Variants in ZFHX3 observed in about 807,000 individuals in gnomAD.
ZFHX3 encodes the protein zinc finger homeobox protein 3.
In ZFHX3, 42 loss-of-function variants were observed where a neutral mutation model predicts 279.1. The observed-to-expected ratio is 0.15, with a 90% confidence interval of 0.12 to 0.19. The LOEUF is 0.19. Among genes scored for constraint, ZFHX3 ranks in the 10% least tolerant of loss-of-function variants. ZFHX3 has a pLI of 1.00. For missense variants in ZFHX3, 4,981 were observed against 4,754.0 expected (o/e 1.05, Z -1.40); for synonymous variants, 2,293 against 1,957.8 (o/e 1.17, Z -4.52).
rs555177209 is a variant in ZFHX3, at chr16:72,952,631, A to G, written c.2720-1666T>C. ...GTTCAGGAAGTGGATTGAGACAGGC[A>G]GTGAGACACGAGGCTCAGCTCCACG... On this transcript the variant is annotated intron_variant, in intron 2 of 9. Transcript: ENST00000268489. 3.9e-5 allele frequency among the ~76,000 whole-genome samples: 6 copies of G among 152,326 alleles called. No homozygotes were observed. The East Asian group carries it at 9.6e-4, about 24-fold the overall frequency.
chr16:73,232,258 C>G (rs1198100900), intron 5 of ZFHX3: 2 of 152,276 alleles, frequency 1.3e-5, no homozygotes, highest in Admixed American at 1.3e-4. Flanking sequence ...TGCCCCTGCT[C>G]CTGATTCCCT....
intron 2 of ZFHX3, among the ~76,000 whole-genome samples, chr16:73,654,728 G>C (rs1032276656): frequency 2.6e-5 from 4 of 151,290 alleles, no homozygotes; most frequent in African/African-American, 9.7e-5. Flanking sequence ...ATTTCAATAA[G>C]AGGCAAAAAA....
chr16:73,333,002 T>G (rs894634396), intron 3 of ZFHX3, among the ~76,000 whole-genome samples: 3 of 152,188 alleles, frequency 2.0e-5, no homozygotes, highest in Non-Finnish European at 4.4e-5. Context: ...CCCTCCTTAT[T>G]CCTTCCCTTG....
chr16:73,277,922 T>C (rs1382690715), intron 4 of ZFHX3, among the ~76,000 whole-genome samples: 2 of 152,144 alleles, frequency 1.3e-5, no homozygotes, highest in South Asian at 2.1e-4. Context: ...GGGGAGATGC[T>C]ACATACCTTT....
At chr16:73,265,068 C>A (rs377280756) in intron 4 of ZFHX3, among the ~76,000 whole-genome samples, 1 of 125,744 alleles carries the variant, frequency 8.0e-6, no homozygotes, top group Non-Finnish European at 1.7e-5. Flanking sequence ...AGCACCTCAG[C>A]GCATATATGC....
At chr16:73,201,709 A>C (rs536537337) in intron 5 of ZFHX3, among the ~76,000 whole-genome samples, 12 of 152,220 alleles carry the variant, frequency 7.9e-5, no homozygotes, top group Non-Finnish European at 1.3e-4. Flanking sequence ...AAATCCTTAA[A>C]AATAATAATG....
intron 4 of ZFHX3, among the ~76,000 whole-genome samples, chr16:72,835,818 C>G (rs1271953813): frequency 6.6e-6 from 1 of 152,158 alleles, no homozygotes; most frequent in African/African-American, 2.4e-5. Flanking sequence ...TAAGCCTTGG[C>G]TGGCACAACT....
chr16:73,541,318 C>G (rs1298855006), intron 2 of ZFHX3, among the ~76,000 whole-genome samples: 1 of 151,970 alleles, frequency 6.6e-6, no homozygotes, highest in East Asian at 1.9e-4. Context: ...GACCTCATCT[C>G]TACGACAAAT....
chr16:73,703,721 A>G (rs2142219194), intron 1 of ZFHX3, among the ~76,000 whole-genome samples: 1 of 152,278 alleles, frequency 6.6e-6, no homozygotes, highest in Admixed American at 6.5e-5. Flanking sequence ...CAATAACTGA[A>G]CAGAAGTACA....
intron 5 of ZFHX3, among the ~76,000 whole-genome samples, chr16:73,192,191 C>T (rs1474061331): frequency 6.6e-6 from 1 of 152,194 alleles, no homozygotes; most frequent in Non-Finnish European, 1.5e-5. Context: ...CAGATGTCCA[C>T]TGATCTCCTC....
chr16:73,443,377 C>T (rs1012666887), intron 3 of ZFHX3, among the ~76,000 whole-genome samples: 2 of 152,252 alleles, frequency 1.3e-5, no homozygotes, highest in Non-Finnish European at 1.5e-5. Flanking sequence ...TCAGAGTTCC[C>T]GGACATGATA....
chr16:72,788,043 G>C lies in ZFHX3; in HGVS notation c.10233C>G (p.Asp3411Glu). 6.2e-7 allele frequency: 1 copy of C among 1,612,644 alleles called. No individual in the cohort carries two copies. The highest frequency in any genetic ancestry group is 8.5e-7 in the Non-Finnish European group (1 of 1,179,922). ...TGGGGGATTCTTTGGCAGGGTCTTT[G>C]TCTGGGGAAGGAGCCCCGGGGGGGA... ...TPVPPGAPSP[D>E]KDPAKESPKP... The change falls in exon 10 of 10, where the codon GAC becomes GAG. Residue 3411 changes from aspartate to glutamate, a missense_variant. Physicochemically the swap from Asp to Glu is conservative, Grantham distance 45. Transcript: ENST00000268489.
chr16:72,802,472 G>A (rs1300075040), intron 7 of ZFHX3, among the ~76,000 whole-genome samples: 1 of 152,124 alleles, frequency 6.6e-6, no homozygotes, highest in Non-Finnish European at 1.5e-5. Flanking sequence ...CTCCAAACCT[G>A]TAAGTCTTGC....
At chr16:73,697,352 G>A (rs2053207129) in intron 1 of ZFHX3, among the ~76,000 whole-genome samples, 2 of 152,038 alleles carry the variant, frequency 1.3e-5, no homozygotes, top group African/African-American at 2.4e-5. Context: ...ATAAATTCAG[G>A]TATAAAGACA....
At position 73,886,931 on chromosome 16, in the gene ZFHX3, T is replaced by C. The variant is rs193080112; in HGVS notation, c.-1608+4720A>G. Among the ~76,000 whole-genome samples the C allele has an allele frequency of 9.2e-5, 14 of 152,280 alleles. No individual in the cohort carries two copies. The East Asian group carries it at 2.5e-3, about 27-fold the overall frequency. On this transcript the variant is annotated intron_variant, in intron 1 of 17. Coordinates refer to the ZFHX3 transcript ENST00000641206. ...TAAAAGTTTCTATAAAGTTGCAACA[T>C]ACTGTCCACATCCTTAAGTAATAAG...
rs149534459 is a variant in ZFHX3 at position 73,217,209 on chromosome 16, T to C, written c.-1104+39838A>G. On this transcript the variant is annotated intron_variant, in intron 5 of 17. Coordinates refer to the ZFHX3 transcript ENST00000641206. ...TGTTATCGATCCTCAAGGCTCCATG[T>C]CATTTCCAGGGGATTTGCTAAAGAA... Among the ~76,000 whole-genome samples the C allele has an allele frequency of 4.6e-3, 700 of 152,352 alleles. 7 individuals carry two copies. The highest frequency in any genetic ancestry group is 0.017 in the African/African-American group (689 of 41,580).
At position 73,186,571 on chromosome 16, in the gene ZFHX3, T is replaced by C. The variant is rs1033453609; in HGVS notation, c.-1103-42740A>G. Among the ~76,000 whole-genome samples the C allele has an allele frequency of 2.5e-4, 38 of 151,644 alleles. 1 individual carries two copies. The highest frequency in any genetic ancestry group is 1.3e-3 in the Admixed American group (20 of 15,266). ...CCAGGAAAAGTTTTTTTTTTTTTTT[T>C]CACTCAAAACACTTAACTCCTATTG... On this transcript the variant is annotated intron_variant, in intron 5 of 17. Coordinates refer to the ZFHX3 transcript ENST00000641206.
chr16:72,784,558 T>G lies in ZFHX3; in HGVS notation c.*2606A>C, dbSNP rs1448688685. 1.3e-5 allele frequency: 2 copies of G among 151,466 alleles called. No individual in the cohort carries two copies. Among genetic ancestry groups the G allele is most frequent in the African/African-American group, 4.9e-5 (2 of 40,896 alleles). 9.4% of individuals were successfully genotyped at this position (151,466 alleles called of 1,614,324 possible). A position where few individuals can be genotyped will look rare whatever the true frequency, so the allele number is the denominator to read the frequency against. ...AAATGGCAAAAAATATATATATATATATTTCATAGAGTTACAAACAAGATA... is the reference window on the plus strand; with the variant it reads ...AAATGGCAAAAAATATATATATATAGATTTCATAGAGTTACAAACAAGATA... On this transcript the variant is annotated 3_prime_UTR_variant, in exon 10 of 10. Coordinates refer to ENST00000268489, the MANE Select transcript of ZFHX3 (RefSeq NM_006885.4).
At chr16:73,141,270 C>T (rs1287411819) in intron 6 of ZFHX3, among the ~76,000 whole-genome samples, 1 of 152,124 alleles carries the variant, frequency 6.6e-6, no homozygotes, top group Non-Finnish European at 1.5e-5. Context: ...CTGAAATATA[C>T]AATGTATTAC....
Sources: gnomAD v4.1 joint callset for allele counts (sites outside exome capture counted in the v4.1 genomes callset) on GRCh38, gnomAD v4.1.1 for gene constraint, MANE v1.5 for transcripts, NCBI Gene and HGNC (gene_info 2026-07-23, HGNC 2026-07-21) for gene names.